Variants in IGF2BP2 observed in about 807,000 individuals in gnomAD.
The protein encoded by IGF2BP2 is insulin like growth factor 2 mRNA binding protein 2.
Under a neutral mutation model 75.8 loss-of-function variants are expected in IGF2BP2, and 17 were observed. The observed-to-expected ratio is 0.22, with a 90% CI of 0.15 to 0.34. The LOEUF (loss-of-function observed/expected upper bound fraction) is 0.34, where lower values mean the gene tolerates loss of function less well. IGF2BP2 is among the 10% of genes least tolerant of loss of function. The probability of loss-of-function intolerance (pLI) is 1.00; values close to 1 mark genes in which losing one functional copy is unlikely to be tolerated. For missense variants in IGF2BP2, 516 were observed against 772.4 expected, an observed-to-expected ratio of 0.67 and a Z score of 3.93; for synonymous variants, 288 against 295.6, an observed-to-expected ratio of 0.97 and a Z score of 0.26.
At chr3:185,762,546 A>C (rs1732520208) in intron 2 of IGF2BP2, among the ~76,000 whole-genome samples, 1 of 151,620 alleles carries the variant, frequency 6.6e-6, no homozygotes. Flanking sequence ...AAAAAAAAAA[A>C]AGAAAAGAAA....
intron 7 of IGF2BP2, among the ~76,000 whole-genome samples, chr3:185,683,827 A>T (rs193126682): frequency 4.6e-5 from 7 of 152,370 alleles, no homozygotes; most frequent in Admixed American, 3.9e-4. Flanking sequence ...GTGGGAATGC[A>T]CATCTGAAAT....
At chr3:185,674,468 T>C (rs1013079733) in intron 9 of IGF2BP2, among the ~76,000 whole-genome samples, 1 of 152,192 alleles carries the variant, frequency 6.6e-6, no homozygotes, top group South Asian at 2.1e-4. Flanking sequence ...TGTTTGTTTT[T>C]TGAATGCCGG....
chr3:185,709,518 T>C (rs1724507472), intron 2 of IGF2BP2, among the ~76,000 whole-genome samples: 1 of 152,240 alleles, frequency 6.6e-6, no homozygotes, highest in South Asian at 2.1e-4. Flanking sequence ...CTAAAGACAC[T>C]GGTCTTCAAA....
intron 2 of IGF2BP2, among the ~76,000 whole-genome samples, chr3:185,820,229 TACACATACACACACACACACACACACAC>T (rs771644316): frequency 2.2e-5 from 3 of 133,818 alleles, no homozygotes; most frequent in South Asian, 2.4e-4. Context: ...TGTGTATATA[TACACATACACACACACACACACACACAC>T]ACACACACAC....
chr3:185,675,040 C>A, intron 9 of IGF2BP2: 1 of 108,976 alleles, frequency 9.2e-6, no homozygotes, highest in Admixed American at 1.1e-4. Flanking sequence ...TTTATTCTTG[C>A]TTTTCTTAAT....
chr3:185,676,780 T>C (rs1164229178), intron 7 of IGF2BP2, among the ~76,000 whole-genome samples: 1 of 145,424 alleles, frequency 6.9e-6, no homozygotes, highest in East Asian at 2.0e-4. Context: ...TGGAGATATA[T>C]ATTTACTGGA....
At chr3:185,715,561 T>C (rs1725470100) in intron 2 of IGF2BP2, among the ~76,000 whole-genome samples, 1 of 152,190 alleles carries the variant, frequency 6.6e-6, no homozygotes, top group African/African-American at 2.4e-5. Flanking sequence ...GCGGTGCAAG[T>C]GTAATTCGAC....
intron 2 of IGF2BP2, among the ~76,000 whole-genome samples, chr3:185,765,636 C>A (rs896294335): frequency 6.6e-6 from 1 of 152,304 alleles, no homozygotes; most frequent in South Asian, 2.1e-4. Context: ...ATGAAAGGCA[C>A]GCAGAAGTGC....
At chr3:185,703,111 T>C (rs1723538747) in intron 2 of IGF2BP2, among the ~76,000 whole-genome samples, 2 of 152,188 alleles carry the variant, frequency 1.3e-5, no homozygotes, top group South Asian at 4.1e-4. Context: ...CTTCACCGAT[T>C]CTGGACTCTG....
At position 185,665,494 on chromosome 3, in the gene IGF2BP2, G is replaced by A. The variant is rs1468341941; in HGVS notation, c.1200+7047C>T. On this transcript the variant is annotated intron_variant, in intron 10 of 15. Coordinates refer to ENST00000382199, the MANE Select transcript of IGF2BP2 (RefSeq NM_006548.6). ...GAAGAAGGAGAAGAAGGAGGAGAAG[G>A]AGGAGGAGAAGGAGGAGGAGGAGAA... Among the ~76,000 whole-genome samples, 111 of 72,002 alleles carry A rather than the reference G, an allele frequency of 1.5e-3. 2 individuals carry two copies. The highest frequency in any genetic ancestry group is 2.6e-3 in the Admixed American group (19 of 7,276). 47.2% of individuals were successfully genotyped at this position (72,002 alleles called of 152,430 possible).
At chr3:185,743,442 AT>A in intron 2 of IGF2BP2, among the ~76,000 whole-genome samples, 1 of 152,098 alleles carries the variant, frequency 6.6e-6, no homozygotes, top group East Asian at 2.0e-4. Flanking sequence ...CGCCTGGCTA[AT>A]TTTTGTATTT....
intron 5 of IGF2BP2, among the ~76,000 whole-genome samples, chr3:185,692,196 T>C (rs1243792374): frequency 6.6e-6 from 1 of 152,246 alleles, no homozygotes; most frequent in Non-Finnish European, 1.5e-5. Context: ...TTCTCTCGGC[T>C]GCTGCTCTCA....
chr3:185,675,528 A>G, intron 8 of IGF2BP2, 97 bp from the exon 9 acceptor site: 2 of 1,398,792 alleles, frequency 1.4e-6, no homozygotes, highest in East Asian at 2.4e-5. Flanking sequence ...GCGGAGAGAG[A>G]GAAGACTCAA....
Position 185,824,784 on chromosome 3 carries a change from C to G in IGF2BP2, c.177G>C (p.Ser59=). 1.4e-6 allele frequency: 2 copies of G among 1,410,512 alleles called. No individual in the cohort carries two copies. Among genetic ancestry groups the G allele is most frequent in the Non-Finnish European group, 1.9e-6 (2 of 1,063,010 alleles). 87.4% of individuals were successfully genotyped at this position (1,410,512 alleles called of 1,614,324 possible). A position where few individuals can be genotyped will look rare whatever the true frequency, so the allele number is the denominator to read the frequency against. Residue 59 remains serine (S), a splice_region_variant and synonymous_variant, in exon 1 of 16, where the codon TCG becomes TCC. Coordinates refer to ENST00000382199, the MANE Select transcript of IGF2BP2 (RefSeq NM_006548.6). ...NWAIRAIETL[S]GKVELHGKIM... ...GAGGGGGCCGCGCTGAGTGCTCACC[C>G]GAGAGGGTCTCGATGGCGCGGATGG...
intron 2 of IGF2BP2, among the ~76,000 whole-genome samples, chr3:185,790,516 A>G (rs1375704891): frequency 6.6e-6 from 1 of 152,210 alleles, no homozygotes; most frequent in Non-Finnish European, 1.5e-5. Context: ...AGAGAATAAC[A>G]AGAAAAATTT....
intron 2 of IGF2BP2, among the ~76,000 whole-genome samples, chr3:185,707,816 C>T (rs1323252643): frequency 6.6e-6 from 1 of 152,196 alleles, no homozygotes; most frequent in Non-Finnish European, 1.5e-5. Flanking sequence ...ATAATACCAT[C>T]TCTCCCTTCC....
intron 2 of IGF2BP2, among the ~76,000 whole-genome samples, chr3:185,821,476 A>C: frequency 6.6e-6 from 1 of 152,218 alleles, no homozygotes; most frequent in Non-Finnish European, 1.5e-5. Flanking sequence ...ACAGCAAATA[A>C]TCTGCATTTT....
chr3:185,742,449 T>C (rs775870083), intron 2 of IGF2BP2, among the ~76,000 whole-genome samples: 13 of 152,006 alleles, frequency 8.6e-5, no homozygotes, highest in African/African-American at 4.8e-5. Context: ...TGAGCCGAGA[T>C]TGCGCCACTG....
intron 2 of IGF2BP2, among the ~76,000 whole-genome samples, chr3:185,743,317 C>A (rs1190106212): frequency 1.3e-5 from 2 of 151,572 alleles, no homozygotes; most frequent in African/African-American, 4.8e-5. Context: ...GCTCTGTTGC[C>A]CAGGCTGGAG....
Sources: gnomAD v4.1 joint callset for allele counts (sites outside exome capture counted in the v4.1 genomes callset) on GRCh38, gnomAD v4.1.1 for gene constraint, MANE v1.5 for transcripts, NCBI Gene and HGNC (gene_info 2026-07-23, HGNC 2026-07-21) for gene names.